KANSL1: variants seen among roughly 807,000 people sequenced by gnomAD.
KANSL1 encodes the protein KAT8 regulatory NSL complex subunit 1.
KANSL1 carries 22 observed loss-of-function variants against 103.6 expected under a neutral mutation model. The ratio of observed to expected loss-of-function variants is 0.21; its 90% CI spans 0.15 to 0.30. The LOEUF (loss-of-function observed/expected upper bound fraction) is 0.30. Ranked by LOEUF, KANSL1 falls within the 10% of genes least tolerant of loss-of-function variation. The pLI is 1.00. For missense variants in KANSL1, 1,337 were observed against 1,399.8 expected (o/e 0.96, Z 0.72); for synonymous variants, 600 against 527.6 (o/e 1.14, Z -1.88).
At chr17:46,093,706 TA>T (rs1286316248) in intron 3 of KANSL1, 6 of 152,452 alleles carry the variant, frequency 3.9e-5, no homozygotes, top group Non-Finnish European at 8.8e-5. Flanking sequence ...TGACTAGTAC[TA>T]AGGTCAAAAA....
At chr17:46,147,033 A>G (rs1042252061) in intron 2 of KANSL1, among the ~76,000 whole-genome samples, 2 of 152,152 alleles carry the variant, frequency 1.3e-5, no homozygotes, top group Admixed American at 1.3e-4. Context: ...ATCACTAAAA[A>G]TAAGTAAATA....
intron 1 of KANSL1, among the ~76,000 whole-genome samples, chr17:46,181,305 T>C (rs2046779277): frequency 1.3e-5 from 2 of 152,240 alleles, no homozygotes; most frequent in Non-Finnish European, 2.9e-5. Context: ...ACACTATCAG[T>C]CTAGCCCAGG....
chr17:46,091,022 G>A (rs909997482), intron 3 of KANSL1, among the ~76,000 whole-genome samples: 2 of 152,194 alleles, frequency 1.3e-5, no homozygotes, highest in Non-Finnish European at 2.9e-5. Context: ...AGTGAACTGT[G>A]AAACAGCCTC....
intron 1 of KANSL1, among the ~76,000 whole-genome samples, chr17:46,172,646 G>T (rs541762235): frequency 6.6e-6 from 1 of 152,280 alleles, no homozygotes; most frequent in African/African-American, 2.4e-5. Flanking sequence ...AGGAATTCCC[G>T]TGTTCACTAA....
intron 1 of KANSL1, among the ~76,000 whole-genome samples, chr17:46,191,901 G>A (rs933901996): frequency 6.7e-6 from 1 of 149,094 alleles, no homozygotes; most frequent in South Asian, 2.1e-4. Flanking sequence ...CCGACCCTAG[G>A]AGCACTAAAC....
chr17:46,123,602 G>A (rs1320472317), intron 2 of KANSL1, among the ~76,000 whole-genome samples: 4 of 152,184 alleles, frequency 2.6e-5, no homozygotes, highest in Non-Finnish European at 5.9e-5. Context: ...AGTTTTAGTG[G>A]TCTGTATAGA....
In KANSL1 at chr17:46,105,865, T is replaced by TCACACACA. The variant is rs373943708; in HGVS notation, c.1290-11172_1290-11165dup. ...CAGCCTGGGCAGCACAGCAAGACCTTCACACACACACACACACACACACAC... is the reference window on the plus strand; with the variant it reads ...CAGCCTGGGCAGCACAGCAAGACCTTCACACACACACACACACACACACACACACACAC... On this transcript the variant is annotated intron_variant, in intron 2 of 14. Transcript: ENST00000432791. Among the ~76,000 whole-genome samples, 833 of 134,660 alleles carry TCACACACA rather than the reference T, an allele frequency of 6.2e-3. 13 individuals are homozygous for TCACACACA. Among genetic ancestry groups the TCACACACA allele is most frequent in the African/African-American group, 0.021 (705 of 33,656 alleles). 88.3% of individuals were successfully genotyped at this position (134,660 alleles called of 152,430 possible).
At chr17:46,125,030 A>AG in intron 2 of KANSL1, among the ~76,000 whole-genome samples, 1 of 89,530 alleles carries the variant, frequency 1.1e-5, no homozygotes, top group Non-Finnish European at 2.4e-5. Flanking sequence ...AAGGGAGGGG[A>AG]GGTAGGGAGG....
chr17:46,116,589 G>A (rs1332705867), intron 2 of KANSL1, among the ~76,000 whole-genome samples: 3 of 152,136 alleles, frequency 2.0e-5, no homozygotes, highest in East Asian at 1.9e-4. Flanking sequence ...TTTCTATCAA[G>A]ACACAAAATA....
chr17:46,170,700 T>C, intron 2 of KANSL1, 155 bp downstream of exon 2: 1 of 785,596 alleles, frequency 1.3e-6, no homozygotes. Context: ...TTCACTAGCA[T>C]GTATATGCAC....
At chr17:46,158,630 A>ACCTGGGTTCAAGTGATTCTCCTG (rs2045566129) in intron 2 of KANSL1, among the ~76,000 whole-genome samples, 1 of 152,160 alleles carries the variant, frequency 6.6e-6, no homozygotes, top group Non-Finnish European at 1.5e-5. Flanking sequence ...AACCTCCACC[A>ACCTGGGTTCAAGTGATTCTCCTG]CCTGGGTTCA....
intron 2 of KANSL1, among the ~76,000 whole-genome samples, chr17:46,163,678 A>G (rs907876473): frequency 5.3e-5 from 8 of 152,256 alleles, no homozygotes; most frequent in African/African-American, 1.9e-4. Context: ...CTATTGCTGT[A>G]GTCAGCCAGG....
chr17:46,139,410 C>T (rs1438737445), intron 2 of KANSL1, among the ~76,000 whole-genome samples: 2 of 152,048 alleles, frequency 1.3e-5, no homozygotes, highest in Non-Finnish European at 2.9e-5. Flanking sequence ...GGTGAAGTTA[C>T]TCATTTTCCA....
In KANSL1 at chr17:46,094,761, G is replaced by A. The variant is rs1568441338; in HGVS notation, c.1290-60C>T. The A allele has an allele frequency of 4.4e-6, 7 of 1,596,616 alleles. No individual in the cohort carries two copies. The East Asian group carries it at 1.3e-4, about 31-fold the overall frequency. On this transcript the variant is annotated intron_variant, in intron 2 of 14. Transcript: ENST00000432791. ...AGCAGTAATATCTATACCAGATTGG[G>A]GGGTGGGGAGTGGAATTTAACTTTT...
At chr17:46,215,005 T>C (rs1442289613) in intron 1 of KANSL1, 1 of 152,306 alleles carries the variant, frequency 6.6e-6, no homozygotes, top group Non-Finnish European at 1.5e-5. Context: ...TGATAATACC[T>C]GGGTCCAGAG....
intron 2 of KANSL1, among the ~76,000 whole-genome samples, chr17:46,155,150 C>A (rs1273394729): frequency 6.7e-6 from 1 of 149,334 alleles, no homozygotes; most frequent in East Asian, 2.0e-4. Context: ...AGTTCTCAGC[C>A]AGGGATTTTT....
At chr17:46,061,205 T>G (rs934598297) in intron 6 of KANSL1, among the ~76,000 whole-genome samples, 3 of 152,188 alleles carry the variant, frequency 2.0e-5, no homozygotes, top group Non-Finnish European at 2.9e-5. Context: ...ATGAGAACAA[T>G]GCAGTAAATT....
intron 1 of KANSL1, among the ~76,000 whole-genome samples, chr17:46,186,692 G>A (rs1185832527): frequency 6.6e-6 from 1 of 152,176 alleles, no homozygotes; most frequent in Non-Finnish European, 1.5e-5. Flanking sequence ...AGAGTTTAAT[G>A]AAACTTTCCT....
chr17:46,054,070 TCATGTCCA>T (rs1226080273), intron 6 of KANSL1, among the ~76,000 whole-genome samples: 1 of 152,008 alleles, frequency 6.6e-6, no homozygotes, highest in African/African-American at 2.4e-5. Flanking sequence ...GCTATAGTGA[TCATGTCCA>T]CTGCACTCCA....
Sources: gnomAD v4.1 joint callset for allele counts (sites outside exome capture counted in the v4.1 genomes callset) on GRCh38, gnomAD v4.1.1 for gene constraint, MANE v1.5 for transcripts, NCBI Gene and HGNC (gene_info 2026-07-23, HGNC 2026-07-21) for gene names.